Variants in CCDC178 observed in about 807,000 individuals in gnomAD.
The protein encoded by CCDC178 is coiled-coil domain containing 178, also known as coiled-coil domain-containing protein 178.
Under a neutral mutation model 117.4 loss-of-function variants are expected in CCDC178, and 126 were observed. That is an observed-to-expected ratio of 1.07 (90% CI 0.93 to 1.24). The LOEUF (loss-of-function observed/expected upper bound fraction) is 1.24. Ranked by LOEUF, CCDC178 falls within the 50% of genes most tolerant of loss-of-function variation. The pLI, the probability that CCDC178 is intolerant of heterozygous loss-of-function variation, is 0.00. For synonymous variants in CCDC178, 283 were observed against 313.4 expected (o/e 0.90, Z 1.02); for missense variants, 1,030 against 986.9 (o/e 1.04, Z -0.59).
intron 10 of CCDC178, among the ~76,000 whole-genome samples, chr18:33,332,735 TC>T (rs2144628155): frequency 6.6e-6 from 1 of 152,110 alleles, no homozygotes; most frequent in African/African-American, 2.4e-5. Context: ...CACCTCAGCC[TC>T]CCAAGTAGAG....
At chr18:33,139,098 T>C (rs2058165516) in intron 20 of CCDC178, among the ~76,000 whole-genome samples, 2 of 152,210 alleles carry the variant, frequency 1.3e-5, no homozygotes, top group Admixed American at 1.3e-4. Flanking sequence ...TGAGATCTGA[T>C]GATTTTAAAA....
At chr18:33,146,305 T>C (rs2058266614) in intron 20 of CCDC178, among the ~76,000 whole-genome samples, 1 of 152,086 alleles carries the variant, frequency 6.6e-6, no homozygotes. Flanking sequence ...TGGGAAAAAG[T>C]GAGAGATAAA....
chr18:32,992,720 G>T (rs1339028956), intron 21 of CCDC178, among the ~76,000 whole-genome samples: 1 of 152,142 alleles, frequency 6.6e-6, no homozygotes, highest in Non-Finnish European at 1.5e-5. Flanking sequence ...ATTTTAATTA[G>T]CTTGACTGAA....
At chr18:32,953,241 G>A (rs891318291) in intron 22 of CCDC178, among the ~76,000 whole-genome samples, 2 of 152,190 alleles carry the variant, frequency 1.3e-5, no homozygotes, top group Non-Finnish European at 2.9e-5. Flanking sequence ...AGCGACCTTT[G>A]CACTAGTTCC....
intron 20 of CCDC178, among the ~76,000 whole-genome samples, chr18:33,117,441 C>A (rs2057873155): frequency 6.6e-6 from 1 of 152,012 alleles, no homozygotes; most frequent in South Asian, 2.1e-4. Flanking sequence ...CAACGTAGAC[C>A]AACTTGAGTC....
intron 20 of CCDC178, among the ~76,000 whole-genome samples, chr18:33,210,444 T>C (rs2059094496): frequency 6.6e-6 from 1 of 152,048 alleles, no homozygotes; most frequent in African/African-American, 2.4e-5. Context: ...GGATGTTTTA[T>C]TCATCTCTCT....
chr18:33,226,263 A>T (rs973403605), intron 16 of CCDC178, among the ~76,000 whole-genome samples: 1 of 152,194 alleles, frequency 6.6e-6, no homozygotes, highest in African/African-American at 2.4e-5. Context: ...ATATGTAAGT[A>T]TTTCTAAAGG....
Position 33,271,154 on chromosome 18 carries a change from GA to G in CCDC178, c.1177-3858del, listed in dbSNP as rs1185519645. Reference sequence around the variant, plus strand: ...AAAGTAATTAAAGTGTTACACAAAAGAAGGCAGTAATGAAGGAATAGAGAAA... The same window carrying G: ...AAAGTAATTAAAGTGTTACACAAAAGAGGCAGTAATGAAGGAATAGAGAAA... On this transcript the variant is annotated intron_variant, in intron 12 of 22. Transcript: ENST00000383096. Among the ~76,000 whole-genome samples, 6 of 151,400 alleles carry G rather than the reference GA, an allele frequency of 4.0e-5. No individual in the cohort carries two copies. The East Asian group carries it at 1.2e-3, about 29-fold the overall frequency.
At chr18:33,298,356 A>G (rs1036970856) in intron 11 of CCDC178, among the ~76,000 whole-genome samples, 2 of 152,216 alleles carry the variant, frequency 1.3e-5, no homozygotes. Context: ...CATTACATCA[A>G]TGCAATAAAG....
At chr18:33,266,308 C>T (rs12966542) in intron 14 of CCDC178, among the ~76,000 whole-genome samples, 1 of 151,850 alleles carries the variant, frequency 6.6e-6, no homozygotes, top group Non-Finnish European at 1.5e-5. Context: ...GTGTTTTAGT[C>T]ACTTAGTAGC....
rs765614536 is a variant in CCDC178 at position 33,267,231 on chromosome 18, GAT to G, written c.1241_1242del (p.Tyr414SerfsTer5). On this transcript the variant is annotated frameshift_variant, in exon 13 of 23. Transcript: ENST00000383096. LOFTEE classifies it high-confidence loss of function. Reference sequence around the variant, plus strand: ...GCATAAAAATCATTAACTGCTTCCAGATACTGATTTTCATGACTTTTTTGCTT... The same window carrying G: ...GCATAAAAATCATTAACTGCTTCCAGACTGATTTTCATGACTTTTTTGCTT... Reference protein sequence around the residue: ...TWKQKSHENQYLEAVNDFYAA... With the variant: ...TWKQKSHENQXLEAVNDFYAA... The G allele has an allele frequency of 6.2e-7, 1 of 1,602,334 alleles. No individual in the cohort carries two copies. Among genetic ancestry groups the G allele is most frequent in the South Asian group, 1.1e-5 (1 of 88,462 alleles).
At chr18:33,049,780 T>C (rs1427574847) in intron 21 of CCDC178, among the ~76,000 whole-genome samples, 2 of 152,090 alleles carry the variant, frequency 1.3e-5, no homozygotes, top group East Asian at 3.9e-4. Context: ...CTAACAATAC[T>C]TTAAAATATT....
chr18:33,120,943 T>A (rs2057928468), intron 20 of CCDC178, among the ~76,000 whole-genome samples: 1 of 152,058 alleles, frequency 6.6e-6, no homozygotes, highest in South Asian at 2.1e-4. Flanking sequence ...CAGTATCATG[T>A]TAGGTAATAT....
chr18:33,246,003 C>T (rs776907568), intron 14 of CCDC178, among the ~76,000 whole-genome samples: 1 of 151,772 alleles, frequency 6.6e-6, no homozygotes, highest in Non-Finnish European at 1.5e-5. Context: ...CCTAAAGGTA[C>T]AAAATTATCC....
intron 2 of CCDC178, among the ~76,000 whole-genome samples, chr18:33,417,535 T>TACACAC (rs60345049): frequency 0.011 from 1,588 of 148,278 alleles, 10 homozygotes; most frequent in South Asian, 0.017. Flanking sequence ...CAGAGCTGTA[T>TACACAC]ACACACACAC....
chr18:33,034,508 CT>C lies in CCDC178; in HGVS notation c.2388+58252del, dbSNP rs567132270. The stretch of plus-strand genomic sequence containing the variant: ...AAGTGTCATATTTTTCCTGTTTGAC[CT>C]TTATATTTGCTGCTGCTTTTTGTTT... On this transcript the variant is annotated intron_variant, in intron 21 of 22. Coordinates refer to ENST00000383096, the MANE Select transcript of CCDC178 (RefSeq NM_001105528.4). 3.3e-5 allele frequency among the ~76,000 whole-genome samples: 5 copies of C among 152,028 alleles called. No homozygotes were observed. The South Asian group carries it at 1.0e-3, about 32-fold the overall frequency.
At chr18:33,360,337 G>A (rs1377237879) in intron 6 of CCDC178, among the ~76,000 whole-genome samples, 2 of 150,798 alleles carry the variant, frequency 1.3e-5, no homozygotes, top group African/African-American at 4.9e-5. Flanking sequence ...TATAGACAAA[G>A]GGGAACAACC....
intron 21 of CCDC178, among the ~76,000 whole-genome samples, chr18:33,081,250 A>C (rs2145033770): frequency 6.6e-6 from 1 of 152,340 alleles, no homozygotes; most frequent in East Asian, 1.9e-4. Context: ...TTAATAGTAA[A>C]GGTTATCATG....
chr18:33,235,310 G>C (rs1599034245), intron 15 of CCDC178, among the ~76,000 whole-genome samples: 1 of 151,920 alleles, frequency 6.6e-6, no homozygotes. Flanking sequence ...TGATTATTTT[G>C]AAGCTTTCAG....
Sources: allele counts gnomAD v4.1 joint callset (sites outside exome capture counted in the v4.1 genomes callset), GRCh38; gene constraint gnomAD v4.1.1; transcripts MANE v1.5; gene names NCBI Gene and HGNC (gene_info 2026-07-23, HGNC 2026-07-21).